The following SPECC1 variants were observed in gnomAD, a reference collection of about 807,000 sequenced individuals.
SPECC1 encodes cytospin-B.
SPECC1 carries 62 observed loss-of-function variants against 104.1 expected under a neutral mutation model. The observed-to-expected ratio is 0.60, with a 90% CI of 0.49 to 0.74. The LOEUF (loss-of-function observed/expected upper bound fraction) is 0.74. Ranked by LOEUF, SPECC1 falls within the 30% of genes least tolerant of loss-of-function variation. SPECC1 has a pLI of 0.00. For synonymous variants in SPECC1, 513 were observed against 501.6 expected (o/e 1.02, Z -0.30); for missense variants, 1,306 against 1,310.5 (o/e 1.00, Z 0.05).
chr17:20,246,932 G>A (rs1267320407), intron 8 of SPECC1, among the ~76,000 whole-genome samples: 1 of 152,236 alleles, frequency 6.6e-6, no homozygotes, highest in East Asian at 1.9e-4. Flanking sequence ...TTAACAATTT[G>A]TACAAGAACT....
intron 1 of SPECC1, among the ~76,000 whole-genome samples, chr17:20,076,493 C>T (rs2046765159): frequency 6.6e-6 from 1 of 152,212 alleles, no homozygotes; most frequent in African/African-American, 2.4e-5. Flanking sequence ...AGCCACTGCA[C>T]CCAGCCTGGT....
At chr17:20,019,894 A>T (rs2044305215) in intron 1 of SPECC1, among the ~76,000 whole-genome samples, 1 of 151,832 alleles carries the variant, frequency 6.6e-6, no homozygotes, top group Non-Finnish European at 1.5e-5. Context: ...CCGTGGTTTT[A>T]TTGGATAGTT....
intron 12 of SPECC1, among the ~76,000 whole-genome samples, chr17:20,271,121 G>T (rs1367802106): frequency 6.6e-6 from 1 of 151,854 alleles, no homozygotes; most frequent in Non-Finnish European, 1.5e-5. Flanking sequence ...CCCACAATCA[G>T]GTATGCAGAG....
At chr17:20,173,728 A>G (rs372230798) in intron 3 of SPECC1, among the ~76,000 whole-genome samples, 1 of 152,246 alleles carries the variant, frequency 6.6e-6, no homozygotes. Context: ...ATGCTGATTC[A>G]GTCTTTGTGA....
intron 2 of SPECC1, among the ~76,000 whole-genome samples, chr17:20,098,127 G>A (rs1254086590): frequency 1.3e-5 from 2 of 152,120 alleles, no homozygotes; most frequent in African/African-American, 2.4e-5. Context: ...ACCCTTGGAT[G>A]TCCAAAAGTG....
intron 13 of SPECC1, among the ~76,000 whole-genome samples, chr17:20,301,141 A>T (rs1177996700): frequency 6.6e-6 from 1 of 152,148 alleles, no homozygotes; most frequent in Non-Finnish European, 1.5e-5. Context: ...GAGAGGCCAT[A>T]TCTATCACAG....
intron 4 of SPECC1, among the ~76,000 whole-genome samples, chr17:20,222,311 G>A (rs1298872376): frequency 1.3e-5 from 2 of 152,126 alleles, no homozygotes; most frequent in East Asian, 1.9e-4. Flanking sequence ...TCCAGCCTGG[G>A]AGACAGAGCG....
intron 1 of SPECC1, among the ~76,000 whole-genome samples, chr17:20,016,479 C>T (rs1369941752): frequency 2.6e-5 from 4 of 152,004 alleles, no homozygotes; most frequent in African/African-American, 4.8e-5. Flanking sequence ...GAGGCGCGGG[C>T]GGGAACCGGG....
chr17:20,093,899 T>A (rs2047524890), intron 1 of SPECC1, among the ~76,000 whole-genome samples: 1 of 151,764 alleles, frequency 6.6e-6, no homozygotes, highest in Non-Finnish European at 1.5e-5. Flanking sequence ...TCCCCCTAAT[T>A]TTTTGTATTT....
At chr17:20,150,295 T>C (rs1352720671) in intron 3 of SPECC1, among the ~76,000 whole-genome samples, 1 of 151,540 alleles carries the variant, frequency 6.6e-6, no homozygotes, top group Non-Finnish European at 1.5e-5. Context: ...TTTTCTTTTT[T>C]TTTTTGGGAC....
chr17:20,281,405 A>C (rs1030277860), intron 12 of SPECC1, among the ~76,000 whole-genome samples: 3 of 152,096 alleles, frequency 2.0e-5, no homozygotes, highest in Non-Finnish European at 4.4e-5. Context: ...TGCACACCCC[A>C]GGCTCAGGCT....
chr17:20,097,519 A>G (rs568057135), intron 2 of SPECC1, among the ~76,000 whole-genome samples: 167 of 152,366 alleles, frequency 1.1e-3, no homozygotes, highest in Non-Finnish European at 2.1e-3. Context: ...GACAGCTACA[A>G]TGCAGATGGA....
chr17:20,027,032 A>AT (rs2044627529), intron 1 of SPECC1, among the ~76,000 whole-genome samples: 1 of 152,138 alleles, frequency 6.6e-6, no homozygotes, highest in African/African-American at 2.4e-5. Flanking sequence ...TTCTCTGATG[A>AT]TTAGTGATGG....
chr17:20,264,732 A>C (rs533827329), intron 12 of SPECC1, among the ~76,000 whole-genome samples: 1 of 152,090 alleles, frequency 6.6e-6, no homozygotes, highest in East Asian at 1.9e-4. Context: ...TTGACCTCCC[A>C]AAGTGCTGGG....
chr17:20,264,478 TTTTTTTTTTTTG>T (rs2040148329), intron 12 of SPECC1, among the ~76,000 whole-genome samples: 1 of 131,668 alleles, frequency 7.6e-6, no homozygotes, highest in Admixed American at 7.7e-5. Flanking sequence ...TTTTTTTTTT[TTTTTTTTTTTTG>T]AGACAGAGTC....
chr17:20,249,291 G>A (rs1316324771), intron 9 of SPECC1, among the ~76,000 whole-genome samples: 1 of 152,066 alleles, frequency 6.6e-6, no homozygotes, highest in Non-Finnish European at 1.5e-5. Context: ...GGTGGTGTGT[G>A]CCTGTTGTCC....
chr17:20,238,457 C>T (rs2039039130), intron 7 of SPECC1: 1 of 1,042,594 alleles, frequency 9.6e-7, no homozygotes, highest in African/African-American at 1.7e-5. Context: ...AGCATGGAGC[C>T]ATTAGTGACG....
intron 1 of SPECC1, among the ~76,000 whole-genome samples, chr17:20,020,849 A>G (rs954287501): frequency 6.6e-6 from 1 of 152,200 alleles, no homozygotes; most frequent in African/African-American, 2.4e-5. Flanking sequence ...TTTTGTGTAT[A>G]TACAGTTGAC....
At chr17:20,241,641 G>C (rs922558179) in intron 7 of SPECC1, among the ~76,000 whole-genome samples, 8 of 152,100 alleles carry the variant, frequency 5.3e-5, no homozygotes, top group Non-Finnish European at 8.8e-5. Flanking sequence ...GATTCTTATT[G>C]TTGGGATTTG....
Sources: gnomAD v4.1 joint callset for allele counts (sites outside exome capture counted in the v4.1 genomes callset) on GRCh38, gnomAD v4.1.1 for gene constraint, MANE v1.5 for transcripts, NCBI Gene and HGNC (gene_info 2026-07-23, HGNC 2026-07-21) for gene names.